Variants in GSE1 observed in about 807,000 individuals in gnomAD.
The protein encoded by GSE1 is genetic suppressor element 1.
In GSE1, 32 loss-of-function variants were observed where a neutral mutation model predicts 112.6. The ratio of observed to expected loss-of-function variants is 0.28; its 90% CI spans 0.21 to 0.38. The LOEUF is 0.38. GSE1 is among the 10% of genes least tolerant of loss of function. The pLI is 1.00. For missense variants in GSE1, 2,348 were observed against 1,699.2 expected (o/e 1.38, Z -6.71); for synonymous variants, 1,115 against 735.6 (o/e 1.52, Z -8.35).
intron 8 of GSE1, 76 bp from the exon 9 acceptor site, chr16:85,661,070 G>T (rs538664575): frequency 3.6e-6 from 5 of 1,400,486 alleles, no homozygotes; most frequent in Non-Finnish European, 4.8e-6. Context: ...TCTTAGGAGC[G>T]GCAGGCAGCC....
intron 2 of GSE1, among the ~76,000 whole-genome samples, chr16:85,523,086 C>A (rs1161119512): frequency 6.6e-6 from 1 of 150,428 alleles, no homozygotes; most frequent in Non-Finnish European, 1.5e-5. Context: ...TTGTGTGTGG[C>A]CTGTGTGTGT....
At chr16:85,644,275 G>A (rs1049061339) in intron 2 of GSE1, among the ~76,000 whole-genome samples, 5 of 151,782 alleles carry the variant, frequency 3.3e-5, no homozygotes, top group African/African-American at 1.2e-4. Flanking sequence ...GGAGGTTGAG[G>A]CTGCAGTGAG....
chr16:85,171,987 G>C (rs565243943), intron 1 of GSE1, among the ~76,000 whole-genome samples: 1 of 152,320 alleles, frequency 6.6e-6, no homozygotes, highest in Admixed American at 6.5e-5. Flanking sequence ...GGGTACGTTG[G>C]CCTGGCTGAC....
intron 1 of GSE1, among the ~76,000 whole-genome samples, chr16:85,345,073 C>T (rs1052017454): frequency 8.0e-5 from 12 of 149,512 alleles, no homozygotes; most frequent in African/African-American, 2.9e-4. Context: ...CACCGTGCCC[C>T]ACCTCCCACC....
chr16:85,634,807 G>T (rs1020125962), intron 2 of GSE1, among the ~76,000 whole-genome samples: 14 of 152,194 alleles, frequency 9.2e-5, no homozygotes, highest in African/African-American at 3.4e-4. Context: ...CTCTGGCTCT[G>T]GGGTACTTTT....
chr16:85,431,399 G>A (rs886839401), intron 2 of GSE1, among the ~76,000 whole-genome samples: 2 of 152,224 alleles, frequency 1.3e-5, no homozygotes, highest in African/African-American at 4.8e-5. Flanking sequence ...TGTCAAATCT[G>A]ATTTTTAAAT....
intron 1 of GSE1, among the ~76,000 whole-genome samples, chr16:85,184,756 G>A (rs1207687604): frequency 6.6e-6 from 1 of 152,048 alleles, no homozygotes; most frequent in Non-Finnish European, 1.5e-5. Flanking sequence ...CCAAACATTG[G>A]ACTATCTTAA....
chr16:85,185,520 C>T (rs57690369), intron 1 of GSE1, among the ~76,000 whole-genome samples: 22,207 of 152,274 alleles, frequency 0.15, 1,824 homozygotes, highest in Middle Eastern at 0.27. Context: ...GGGCTGAGCA[C>T]GCTTGGAATA....
chr16:85,373,537 A>G lies in GSE1; in HGVS notation c.2464+15894A>G, dbSNP rs899447285. Among the ~76,000 whole-genome samples the G allele has an allele frequency of 3.3e-5, 5 of 151,964 alleles. No homozygotes were observed. Among genetic ancestry groups the G allele is most frequent in the African/African-American group, 1.2e-4 (5 of 41,374 alleles). On this transcript the variant is annotated intron_variant, in intron 2 of 2. Coordinates refer to the GSE1 transcript ENST00000637419. The surrounding 1 kb of genome is among the most constrained non-coding windows in gnomAD (Gnocchi z 5.1). Reference sequence around the variant, plus strand: ...GCAGCTGCCTCCCGGGGCCCCTGGGAGAATGGGCTGGGGCACTGTGTATAG... The same window carrying G: ...GCAGCTGCCTCCCGGGGCCCCTGGGGGAATGGGCTGGGGCACTGTGTATAG...
chr16:85,175,215 C>T (rs967507662), intron 1 of GSE1, among the ~76,000 whole-genome samples: 10 of 152,182 alleles, frequency 6.6e-5, no homozygotes, highest in Admixed American at 6.5e-4. Flanking sequence ...TCCAGCTGGG[C>T]CCCGGGTCCC....
At chr16:85,549,313 T>C (rs947924662) in intron 2 of GSE1, among the ~76,000 whole-genome samples, 1 of 152,112 alleles carries the variant, frequency 6.6e-6, no homozygotes, top group Non-Finnish European at 1.5e-5. Context: ...TAGCTGGGAC[T>C]ATAGGCACAC....
intron 1 of GSE1, among the ~76,000 whole-genome samples, chr16:85,339,923 A>C (rs942291444): frequency 6.6e-6 from 1 of 152,168 alleles, no homozygotes; most frequent in Non-Finnish European, 1.5e-5. Flanking sequence ...CCTCAGTGCC[A>C]AGAACGGTGC....
At chr16:85,458,718 A>G (rs1449923006) in intron 2 of GSE1, among the ~76,000 whole-genome samples, 1 of 152,150 alleles carries the variant, frequency 6.6e-6, no homozygotes, top group South Asian at 2.1e-4. Context: ...CTAAATGAGA[A>G]ACGCTGGGTG....
chr16:85,313,768 C>T (rs2045915599), intron 1 of GSE1, among the ~76,000 whole-genome samples: 1 of 152,232 alleles, frequency 6.6e-6, no homozygotes, highest in African/African-American at 2.4e-5. Context: ...GGCTTCTGCT[C>T]CCCGCCAGCC....
intron 2 of GSE1, among the ~76,000 whole-genome samples, chr16:85,369,649 G>A (rs1218894735): frequency 2.0e-5 from 3 of 152,204 alleles, no homozygotes; most frequent in Admixed American, 1.3e-4. Flanking sequence ...TCCAACTCAT[G>A]TCTGCAAAGT....
At chr16:85,633,600 T>G (rs1408998740) in intron 1 of GSE1, among the ~76,000 whole-genome samples, 1 of 152,166 alleles carries the variant, frequency 6.6e-6, no homozygotes, top group Non-Finnish European at 1.5e-5. Context: ...TGTTGGGTGA[T>G]GCGTGGGATC....
chr16:85,205,068 C>CT lies in GSE1; in HGVS notation c.2283+33261_2283+33262insT, dbSNP rs574451284. Among the ~76,000 whole-genome samples the CT allele has an allele frequency of 2.6e-3, 58 of 22,714 alleles. 1 individual carries two copies. In the South Asian group the frequency reaches 0.027, roughly 11 times the overall value. 14.9% of individuals were successfully genotyped at this position (22,714 alleles called of 152,430 possible). A position where few individuals can be genotyped will look rare whatever the true frequency, so the allele number is the denominator to read the frequency against. On this transcript the variant is annotated intron_variant, in intron 1 of 2. Coordinates refer to the GSE1 transcript ENST00000637419. Reference sequence around the variant, plus strand: ...ACGTACGTCTTGGCTCACTGGATCTCCCCGCAGCCCCTGAAGAGGTGAATG... The same window carrying CT: ...ACGTACGTCTTGGCTCACTGGATCTCTCCCGCAGCCCCTGAAGAGGTGAATG...
intron 3 of GSE1, among the ~76,000 whole-genome samples, chr16:85,649,814 C>T (rs1166921813): frequency 6.6e-6 from 1 of 152,160 alleles, no homozygotes; most frequent in Admixed American, 6.5e-5. Context: ...CTGAAGCTCC[C>T]TCTCCCCCAG....
chr16:85,440,196 G>A (rs940901121), intron 2 of GSE1, among the ~76,000 whole-genome samples: 5 of 152,346 alleles, frequency 3.3e-5, no homozygotes, highest in Middle Eastern at 3.4e-3. Flanking sequence ...CAGCAACACC[G>A]GGACCAGTGG....
Sources: allele counts gnomAD v4.1 joint callset (sites outside exome capture counted in the v4.1 genomes callset), GRCh38; gene constraint gnomAD v4.1.1; non-coding constraint Gnocchi (gnomAD v3.1); transcripts MANE v1.5; gene names NCBI Gene and HGNC (gene_info 2026-07-23, HGNC 2026-07-21).